RAD9B: variants seen among roughly 807,000 people sequenced by gnomAD.
The protein encoded by RAD9B is RAD9 checkpoint clamp component B, also known as cell cycle checkpoint control protein RAD9B.
Under a neutral mutation model 48.3 loss-of-function variants are expected in RAD9B, and 41 were observed. The observed-to-expected ratio is 0.85, with a 90% CI of 0.66 to 1.10. The LOEUF (loss-of-function observed/expected upper bound fraction) is 1.10. Among genes scored for constraint, RAD9B ranks in the 50% least tolerant of loss-of-function variants. The pLI is 0.00. For missense variants in RAD9B, 444 were observed against 485.1 expected, an observed-to-expected ratio of 0.92 and a Z score of 0.80; for synonymous variants, 160 against 157.9, an observed-to-expected ratio of 1.01 and a Z score of -0.10.
chr12:110,524,485 C>G (rs544195145), intron 10 of RAD9B, among the ~76,000 whole-genome samples: 3 of 152,180 alleles, frequency 2.0e-5, no homozygotes, highest in Admixed American at 2.0e-4. Context: ...TTGCTTGAAT[C>G]CGGGAGGCGG....
intron 4 of RAD9B, among the ~76,000 whole-genome samples, chr12:110,509,007 C>T (rs1197615959): frequency 6.6e-6 from 1 of 152,004 alleles, no homozygotes. Context: ...TTCTGTCGCC[C>T]AGGCTGGAGT....
Position 110,503,876 on chromosome 12 carries a change from TGTAA to T in RAD9B, c.117+6_117+9del, listed in dbSNP as rs1304309269. 8 of 1,552,216 alleles carry T rather than the reference TGTAA, an allele frequency of 5.2e-6. No individual in the cohort carries two copies. The highest frequency in any genetic ancestry group is 6.1e-6 in the Non-Finnish European group (7 of 1,151,314). On this transcript the variant is annotated splice_donor_variant and splice_donor_region_variant and intron_variant, in intron 2 of 10. Coordinates refer to ENST00000409300, the MANE Select transcript of RAD9B (RefSeq NM_001286535.2). LOFTEE classifies it high-confidence loss of function. Reference sequence around the variant, plus strand: ...TCTGGCTAGACCCATCTAAAAAAGGTGTAAGTAAGAAAGTTAACAGATCACGTAT... The same window carrying T: ...TCTGGCTAGACCCATCTAAAAAAGGTGTAAGAAAGTTAACAGATCACGTAT...
intron 9 of RAD9B, 35 bp from the exon 10 acceptor site, chr12:110,522,142 A>G (rs2063805122): frequency 7.5e-7 from 1 of 1,325,534 alleles, no homozygotes; most frequent in East Asian, 2.5e-5. Flanking sequence ...TTCACAATAA[A>G]CAGTTCATTC....
intron 10 of RAD9B, among the ~76,000 whole-genome samples, chr12:110,526,220 A>T (rs2063931893): frequency 7.2e-6 from 1 of 138,178 alleles, no homozygotes; most frequent in Admixed American, 7.1e-5. Context: ...GTATATTAGT[A>T]AAAAAAAAAA....
intron 9 of RAD9B, among the ~76,000 whole-genome samples, 158 bp downstream of exon 9, chr12:110,520,074 T>C (rs755886500): frequency 3.3e-5 from 5 of 152,232 alleles, no homozygotes; most frequent in Non-Finnish European, 5.9e-5. Flanking sequence ...AACTTACCTG[T>C]AGCATAGAAA....
chr12:110,504,645 A>ACTCCCTTATATATTGCAACTCC (rs1395023933), intron 2 of RAD9B, among the ~76,000 whole-genome samples: 15 of 151,750 alleles, frequency 9.9e-5, no homozygotes, highest in Non-Finnish European at 2.1e-4. Context: ...ATATGCTGTA[A>ACTCCCTTATATATTGCAACTCC]CTCCCTTATA....
At chr12:110,518,835 A>G (rs2063688190) in intron 7 of RAD9B, 39 bp from the exon 8 acceptor site, 2 of 1,575,560 alleles carry the variant, frequency 1.3e-6, no homozygotes, top group Non-Finnish European at 1.7e-6. Flanking sequence ...GTAAGTTTTT[A>G]TAAGGATTTT....
intron 2 of RAD9B, 98 bp downstream of exon 2, chr12:110,503,974 A>G (rs1012926136): frequency 1.5e-6 from 1 of 668,606 alleles, no homozygotes; most frequent in East Asian, 3.0e-5. Flanking sequence ...CAGAAATTGT[A>G]ATTATCCCTT....
In RAD9B at chr12:110,530,806, CATATCTAGAAATAGCTGTTT is replaced by C; in HGVS notation, c.*154_*173del. The C allele has an allele frequency of 7.0e-7, 1 of 1,425,558 alleles. No homozygotes were observed. Among genetic ancestry groups the C allele is most frequent in the Non-Finnish European group, 9.2e-7 (1 of 1,091,306 alleles). The allele number at this position is 1,425,558 out of a possible 1,614,324, so 88.3% of individuals were successfully genotyped here. Reference sequence around the variant, plus strand: ...AAACCACATCATCTTGTACAACAACCATATCTAGAAATAGCTGTTTGTCAAGTGTATGTAACTTGCTTTAA... The same window carrying C: ...AAACCACATCATCTTGTACAACAACCGTCAAGTGTATGTAACTTGCTTTAA... On this transcript the variant is annotated 3_prime_UTR_variant, in exon 11 of 11. Coordinates refer to ENST00000409300, the MANE Select transcript of RAD9B (RefSeq NM_001286535.2).
At chr12:110,525,992 G>A (rs1006157734) in intron 10 of RAD9B, among the ~76,000 whole-genome samples, 12 of 151,866 alleles carry the variant, frequency 7.9e-5, no homozygotes, top group East Asian at 5.8e-4. Flanking sequence ...ACCTGGCCAC[G>A]CCCAGCTAAT....
intron 9 of RAD9B, 88 bp from the exon 10 acceptor site, chr12:110,522,089 T>A: frequency 1.2e-6 from 1 of 846,086 alleles, no homozygotes. Context: ...TCCAGTGCTA[T>A]CATTGTCATC....
chr12:110,513,014 G>A (rs1046234959), intron 5 of RAD9B, 136 bp downstream of exon 5: 3 of 561,976 alleles, frequency 5.3e-6, no homozygotes, highest in African/African-American at 4.0e-5. Flanking sequence ...CGCCCAGGCT[G>A]GAGTGCAGTG....
chr12:110,506,284 G>A (rs1224916685), intron 3 of RAD9B, among the ~76,000 whole-genome samples: 1 of 148,958 alleles, frequency 6.7e-6, no homozygotes, highest in Non-Finnish European at 1.5e-5. Context: ...TGCCTCCCGG[G>A]TTCACGCCAT....
Position 110,531,535 on chromosome 12 carries a change from A to C in RAD9B, c.*882A>C. On this transcript the variant is annotated 3_prime_UTR_variant, in exon 11 of 11. Coordinates refer to ENST00000409300, the MANE Select transcript of RAD9B (RefSeq NM_001286535.2). ...TGTAAAATTTTATTTCCTAACCTCA[A>C]ATTGTTCTGATTTTCAGATGTGATT... 7.1e-7 allele frequency: 1 copy of C among 1,413,050 alleles called. No homozygotes were observed. The highest frequency in any genetic ancestry group is 1.2e-5 in the South Asian group (1 of 85,026). The allele number at this position is 1,413,050 out of a possible 1,614,324, so 87.5% of individuals were successfully genotyped here.
At chr12:110,508,286 T>C (rs143991583) in intron 4 of RAD9B, 4 of 169,388 alleles carry the variant, frequency 2.4e-5, no homozygotes, top group East Asian at 1.9e-4. Context: ...AGATCACATA[T>C]GTAAAGTACA....
intron 10 of RAD9B, among the ~76,000 whole-genome samples, chr12:110,530,260 T>C (rs2064092959): frequency 6.6e-6 from 1 of 152,156 alleles, no homozygotes; most frequent in East Asian, 1.9e-4. Flanking sequence ...TTAGTCAGGA[T>C]GGTCTCGATC....
chr12:110,513,031 T>A (rs937746958), intron 5 of RAD9B, among the ~76,000 whole-genome samples, 153 bp downstream of exon 5: 2 of 151,926 alleles, frequency 1.3e-5, no homozygotes, highest in African/African-American at 4.8e-5. Flanking sequence ...AGTGGCGCGA[T>A]CTTGGCTCAT....
intron 4 of RAD9B, chr12:110,511,417 G>A (rs1168328471): frequency 2.3e-6 from 1 of 433,598 alleles, no homozygotes; most frequent in Non-Finnish European, 4.6e-6. Context: ...ATGAAATCTT[G>A]TCATTTGCAG....
rs1475735789 is a variant in RAD9B at position 110,532,759 on chromosome 12, C to T, written c.*2106C>T. 6.6e-6 allele frequency among the ~76,000 whole-genome samples: 1 copy of T among 152,114 alleles called. No individual in the cohort carries two copies. Among genetic ancestry groups the T allele is most frequent in the East Asian group, 1.9e-4 (1 of 5,200 alleles). On this transcript the variant is annotated 3_prime_UTR_variant, in exon 11 of 11. Coordinates refer to ENST00000409300, the MANE Select transcript of RAD9B (RefSeq NM_001286535.2). Reference sequence around the variant, plus strand: ...ATTTCTATGTTTAGATATACAGATGCTTACTGTTGTGTTACAACTGCCTAC... The same window carrying T: ...ATTTCTATGTTTAGATATACAGATGTTTACTGTTGTGTTACAACTGCCTAC...
Sources: gnomAD v4.1 joint callset for allele counts (sites outside exome capture counted in the v4.1 genomes callset) on GRCh38, gnomAD v4.1.1 for gene constraint, MANE v1.5 for transcripts, NCBI Gene and HGNC (gene_info 2026-07-23, HGNC 2026-07-21) for gene names.